CHL1: variants seen among roughly 807,000 people sequenced by gnomAD.
The protein encoded by CHL1 is neural cell adhesion molecule L1-like protein.
In CHL1, 96 loss-of-function variants were observed where a neutral mutation model predicts 141.9. That is an observed-to-expected ratio of 0.68 (90% CI 0.57 to 0.80). CHL1 has a LOEUF of 0.80. Among genes scored for constraint, CHL1 ranks in the 30% least tolerant of loss-of-function variants. The pLI is 0.00. For synonymous variants in CHL1, 613 were observed against 502.2 expected (o/e 1.22, Z -2.95); for missense variants, 1,820 against 1,457.2 (o/e 1.25, Z -4.05).
intron 3 of CHL1, among the ~76,000 whole-genome samples, chr3:322,668 A>T (rs1419341208): frequency 3.7e-4 from 50 of 136,312 alleles, no homozygotes; most frequent in African/African-American, 1.4e-3. Context: ...ATATATATAT[A>T]TAATTATATA....
intron 3 of CHL1, among the ~76,000 whole-genome samples, chr3:323,501 G>A (rs1219970299): frequency 6.6e-6 from 1 of 152,120 alleles, no homozygotes. Flanking sequence ...ATGGTACACA[G>A]TATGAAAAGT....
At chr3:291,077 T>C (rs1435003972) in intron 2 of CHL1, among the ~76,000 whole-genome samples, 1 of 152,158 alleles carries the variant, frequency 6.6e-6, no homozygotes, top group Non-Finnish European at 1.5e-5. Context: ...GTTCAAAACA[T>C]TAATATAGGA....
intron 11 of CHL1, among the ~76,000 whole-genome samples, chr3:357,437 G>A (rs1014789028): frequency 6.6e-6 from 1 of 152,154 alleles, no homozygotes; most frequent in South Asian, 2.1e-4. Flanking sequence ...CCTCGTAGCA[G>A]CTTGAAAAAT....
chr3:387,032 A>T (rs943432834), intron 19 of CHL1, among the ~76,000 whole-genome samples: 2 of 152,232 alleles, frequency 1.3e-5, no homozygotes, highest in African/African-American at 2.4e-5. Context: ...CTCAAGAATA[A>T]ATAAAAATGT....
At chr3:403,093 G>A (rs1575310519) in intron 27 of CHL1, among the ~76,000 whole-genome samples, 2 of 152,156 alleles carry the variant, frequency 1.3e-5, no homozygotes, top group East Asian at 3.9e-4. Flanking sequence ...GGCCATTCGT[G>A]TGGCTGTTGG....
Position 391,707 on chromosome 3 carries a change from A to G in CHL1, c.2824A>G (p.Lys942Glu), listed in dbSNP as rs530600931. The change falls in exon 23 of 28, where the codon AAA becomes GAA. Residue 942 changes from lysine to glutamate, a missense_variant. Coordinates refer to ENST00000256509, the MANE Select transcript of CHL1 (RefSeq NM_006614.4). ...ACAGCCAACTTTTCTAAAGGTCATC[A>G]AAGTTGATAAAGACACTGCCACTTT... ...PEQPTFLKVI[K>E]VDKDTATLSW... 95 of 1,606,484 alleles carry G rather than the reference A, an allele frequency of 5.9e-5. 1 individual carries two copies. The South Asian group carries it at 1.0e-3, about 17-fold the overall frequency.
intron 2 of CHL1, among the ~76,000 whole-genome samples, chr3:319,347 C>T (rs943986769): frequency 6.6e-6 from 1 of 151,548 alleles, no homozygotes; most frequent in Non-Finnish European, 1.5e-5. Context: ...TGTAACAAAC[C>T]TGCAAAGTTA....
chr3:242,532 C>G (rs548013682), intron 1 of CHL1, among the ~76,000 whole-genome samples: 21 of 152,062 alleles, frequency 1.4e-4, no homozygotes, highest in Non-Finnish European at 2.8e-4. Context: ...GGAGGCAGAG[C>G]TTGCAGTGAG....
chr3:368,110 C>A (rs1705143506), intron 15 of CHL1, among the ~76,000 whole-genome samples: 2 of 152,078 alleles, frequency 1.3e-5, no homozygotes, highest in African/African-American at 4.8e-5. Flanking sequence ...TGGGTATATA[C>A]CAAGTAATGT....
Position 319,782 on chromosome 3 carries a change from G to C in CHL1, c.6G>C (p.Glu2Asp). 6.2e-7 allele frequency: 1 copy of C among 1,604,218 alleles called. No homozygotes were observed. Among genetic ancestry groups the C allele is most frequent in the African/African-American group, 1.3e-5 (1 of 74,462 alleles). Residue 2 changes from glutamate (E) to aspartate (D), a missense_variant, in exon 3 of 28, where the codon GAG (glutamate) becomes GAC (aspartate). Physicochemically the swap from Glu to Asp is conservative, Grantham distance 45. Coordinates refer to ENST00000256509, the MANE Select transcript of CHL1 (RefSeq NM_006614.4). M[E>D]PLLLGRGLIV... ...TGTCTTCTTCCTGAAGAGCAATGGAGCCGCTTTTACTTGGAAGAGGACTAA... is the reference window on the plus strand; with the variant it reads ...TGTCTTCTTCCTGAAGAGCAATGGACCCGCTTTTACTTGGAAGAGGACTAA...
chr3:351,966 A>G (rs1703305605), intron 10 of CHL1, among the ~76,000 whole-genome samples: 1 of 152,200 alleles, frequency 6.6e-6, no homozygotes, highest in African/African-American at 2.4e-5. Flanking sequence ...AAATCAAAAT[A>G]TAATCACAAT....
At chr3:388,633 C>T (rs1707968073) in intron 19 of CHL1, among the ~76,000 whole-genome samples, 1 of 151,498 alleles carries the variant, frequency 6.6e-6, no homozygotes, top group Admixed American at 6.6e-5. Context: ...GTAAGGGTGA[C>T]ATTTTTTCTT....
intron 5 of CHL1, among the ~76,000 whole-genome samples, chr3:332,545 T>C (rs1701523451): frequency 6.6e-6 from 1 of 152,178 alleles, no homozygotes; most frequent in Non-Finnish European, 1.5e-5. Context: ...ACATTTATTC[T>C]ATAAACAATT....
At chr3:328,051 T>G in intron 4 of CHL1, 116 bp from the exon 5 acceptor site, 1 of 684,568 alleles carries the variant, frequency 1.5e-6, no homozygotes, top group Non-Finnish European at 2.4e-6. Flanking sequence ...TTCCATTAAG[T>G]ATATACTTTT....
chr3:341,531 G>C (rs932180429), intron 6 of CHL1, among the ~76,000 whole-genome samples: 2 of 152,076 alleles, frequency 1.3e-5, no homozygotes, highest in Non-Finnish European at 2.9e-5. Context: ...TTTAAATCAT[G>C]TTTTAAATAA....
chr3:277,910 A>T (rs556995494), intron 2 of CHL1, among the ~76,000 whole-genome samples: 1 of 152,336 alleles, frequency 6.6e-6, no homozygotes, highest in East Asian at 1.9e-4. Flanking sequence ...TTACAGCTAC[A>T]TTTCACAGAT....
In CHL1 at chr3:325,804, T is replaced by C. The variant is rs554319106; in HGVS notation, c.92-155T>C. Among the ~76,000 whole-genome samples, 3 of 152,148 alleles carry C rather than the reference T, an allele frequency of 2.0e-5. No individual in the cohort carries two copies. In the South Asian group the frequency reaches 6.2e-4, roughly 32 times the overall value. On this transcript the variant is annotated intron_variant, in intron 3 of 27. Coordinates refer to ENST00000256509, the MANE Select transcript of CHL1 (RefSeq NM_006614.4). ...AGTGTATTCCTTAGAAGTAAGTACA[T>C]GTTGCAAAGAGAGAGTGAGATTTAT... is the stretch of plus-strand genomic sequence containing the variant.
chr3:308,615 T>G (rs1219050757), intron 2 of CHL1: 1 of 149,666 alleles, frequency 6.7e-6, no homozygotes, highest in East Asian at 1.9e-4. Context: ...AGAACATATA[T>G]ATGTTATAAT....
At chr3:262,648 G>A (rs1413537132) in intron 2 of CHL1, among the ~76,000 whole-genome samples, 2 of 152,174 alleles carry the variant, frequency 1.3e-5, no homozygotes, top group African/African-American at 4.8e-5. Context: ...ACAGGGAGTG[G>A]TAAGGCCTGG....
Sources: gnomAD v4.1 joint callset for allele counts (sites outside exome capture counted in the v4.1 genomes callset) on GRCh38, gnomAD v4.1.1 for gene constraint, MANE v1.5 for transcripts, NCBI Gene and HGNC (gene_info 2026-07-23, HGNC 2026-07-21) for gene names.